TMEM190: variants seen among roughly 807,000 people sequenced by gnomAD.
TMEM190 encodes transmembrane protein 190.
A neutral mutation model predicts 17.1 loss-of-function variants in TMEM190; 17 were observed. The observed-to-expected ratio is 0.99, with a 90% CI of 0.68 to 1.49. The LOEUF (loss-of-function observed/expected upper bound fraction) is 1.49. TMEM190 is among the 40% of genes most tolerant of loss of function. The pLI, the probability that TMEM190 is intolerant of heterozygous loss-of-function variation, is 0.00. For synonymous variants in TMEM190, 101 were observed against 103.8 expected, an observed-to-expected ratio of 0.97 and a Z score of 0.16; for missense variants, 246 against 245.0, an observed-to-expected ratio of 1.00 and a Z score of -0.03.
Position 55,378,177 on chromosome 19 carries a change from A to T in TMEM190, c.508A>T (p.Thr170Ser). The change falls in exon 5 of 5, where the codon ACA becomes TCA. Residue 170 changes from threonine (T) to serine (S), a missense_variant. Thr to Ser is a moderately conservative substitution (Grantham distance 58). Coordinates refer to ENST00000291934, the MANE Select transcript of TMEM190 (RefSeq NM_139172.3). Reference protein sequence around the residue: ...EGEGTEEGEETEGEEEED With the variant: ...EGEGTEEGEESEGEEEED ...GGAAGGGACGGAGGAGGGTGAGGAGACAGAGGGCGAGGAAGAGGAGGATTA... is the reference window on the plus strand; with the variant it reads ...GGAAGGGACGGAGGAGGGTGAGGAGTCAGAGGGCGAGGAAGAGGAGGATTA... 1.3e-6 allele frequency: 2 copies of T among 1,557,300 alleles called. No homozygotes were observed. Among genetic ancestry groups the T allele is most frequent in the Non-Finnish European group, 1.7e-6 (2 of 1,148,784 alleles).
chr19:55,377,750 G>A (rs1220747432), intron 3 of TMEM190, 32 bp downstream of exon 3: 24 of 1,611,996 alleles, frequency 1.5e-5, no homozygotes, highest in South Asian at 3.3e-5. Flanking sequence ...TCCCTGGGGC[G>A]TGGGTCTGGC....
intron 2 of TMEM190, 95 bp downstream of exon 2, chr19:55,377,121 G>C (rs1374356760): frequency 7.1e-7 from 1 of 1,404,646 alleles, no homozygotes; most frequent in Non-Finnish European, 9.8e-7. Flanking sequence ...TGGACTCCTG[G>C]ATCTGAGGGA....
chr19:55,377,269 A>T (rs1569035576), intron 2 of TMEM190, among the ~76,000 whole-genome samples: 2 of 135,606 alleles, frequency 1.5e-5, no homozygotes, highest in Non-Finnish European at 3.1e-5. Context: ...CCTGGGTGTG[A>T]GGGAGGAGGG....
Position 55,377,815 on chromosome 19 carries a change from G to T in TMEM190, c.234G>T (p.Arg78Ser), listed in dbSNP as rs755334562. The T allele has an allele frequency of 1.2e-6, 2 of 1,612,004 alleles. No individual in the cohort carries two copies. The highest frequency in any genetic ancestry group is 4.5e-5 in the East Asian group (2 of 44,814). The change falls in exon 4 of 5, where the codon AGG (arginine) becomes AGT (serine). Residue 78 changes from arginine (R) to serine (S), a missense_variant. Transcript: ENST00000291934. ...TCCCTTGTCCAGAAAACGTGCGGAG[G>T]AAGCACATGTGGGCGCTGGTCTGGA... Reference protein sequence around the residue: ...YHQRPDENVRRKHMWALVWTC... With the variant: ...YHQRPDENVRSKHMWALVWTC...
chr19:55,377,174 TG>T (rs757958621), intron 2 of TMEM190, 148 bp downstream of exon 2: 15 of 409,958 alleles, frequency 3.7e-5, no homozygotes, highest in South Asian at 1.1e-4. Context: ...GAGGAGGGGC[TG>T]GGGGCCTGGA....
chr19:55,377,746 G>A (rs200766312), intron 3 of TMEM190, 28 bp downstream of exon 3: 71 of 1,611,952 alleles, frequency 4.4e-5, no homozygotes, highest in Non-Finnish European at 5.6e-5. Flanking sequence ...CAGGTCCCTG[G>A]GGCGTGGGTC....
chr19:55,377,100 G>T, intron 2 of TMEM190, 74 bp downstream of exon 2: 3 of 1,494,894 alleles, frequency 2.0e-6, no homozygotes, highest in Non-Finnish European at 1.8e-6. Flanking sequence ...GAGGGAGGAG[G>T]AGCTGGGGCC....
At position 55,376,900 on chromosome 19, in the gene TMEM190, A is replaced by T; in HGVS notation, c.47A>T (p.Gln16Leu). ...GCGCTGGGCCTGCTCCTGCTGCTGC[A>T]GGGCTCGGCAGGTGAGGGGCTGGTG... is the stretch of plus-strand genomic sequence containing the variant. Reference protein sequence around the residue: ...IPALGLLLLLQGSADGNGIQG... With the variant: ...IPALGLLLLLLGSADGNGIQG... Residue 16 changes from glutamine to leucine, a missense_variant, in exon 1 of 5, where the codon CAG becomes CTG. Gln to Leu is a moderately radical substitution (Grantham distance 113). Coordinates refer to ENST00000291934, the MANE Select transcript of TMEM190 (RefSeq NM_139172.3). 1 of 1,579,040 alleles carries T rather than the reference A, an allele frequency of 6.3e-7. No homozygotes were observed. The highest frequency in any genetic ancestry group is 8.6e-7 in the Non-Finnish European group (1 of 1,162,558).
Position 55,378,208 on chromosome 19 carries a change from G to T in TMEM190, c.*5G>T. 1.3e-6 allele frequency: 2 copies of T among 1,531,750 alleles called. No individual in the cohort carries two copies. Among genetic ancestry groups the T allele is most frequent in the South Asian group, 2.5e-5 (2 of 78,558 alleles). 94.9% of individuals were successfully genotyped at this position (1,531,750 alleles called of 1,614,324 possible). On this transcript the variant is annotated 3_prime_UTR_variant, in exon 5 of 5. Transcript: ENST00000291934. ...GGCGAGGAAGAGGAGGATTAGGGGA[G>T]TCCCCGGGGGACTGCTCAATACAGA...
rs759462173 is a variant in TMEM190, at chr19:55,377,726, C to T, written c.220+8C>T. ...ACCACCAGCGTCCAGACGGTGAGGG[C>T]TCCTGGCCCCAGGTCCCTGGGGCGT... is the stretch of plus-strand genomic sequence containing the variant. On this transcript the variant is annotated splice_region_variant and intron_variant, in intron 3 of 4. Transcript: ENST00000291934. 36 of 1,610,870 alleles carry T rather than the reference C, an allele frequency of 2.2e-5. No homozygotes were observed. Among genetic ancestry groups the T allele is most frequent in the Non-Finnish European group, 2.8e-5 (33 of 1,178,216 alleles).
At position 55,377,601 on chromosome 19, in the gene TMEM190, G is replaced by A. The variant is rs2089862044; in HGVS notation, c.103G>A (p.Gly35Ser). The A allele has an allele frequency of 6.2e-7, 1 of 1,610,394 alleles. No individual in the cohort carries two copies. Among genetic ancestry groups the A allele is most frequent in the Non-Finnish European group, 8.5e-7 (1 of 1,178,056 alleles). Residue 35 changes from glycine to serine, a missense_variant, in exon 3 of 5, where the codon GGT becomes AGT. Physicochemically the swap from Gly to Ser is moderately conservative, Grantham distance 56. Coordinates refer to ENST00000291934, the MANE Select transcript of TMEM190 (RefSeq NM_139172.3). ...TGGTGGTTGGTCCCCAGGCTGTGAG[G>A]GTGACATATGGGACCGGGAGAGCTG... ...QGFFYPWSCE[G>S]DIWDRESCGG...
At position 55,376,931 on chromosome 19, in the gene TMEM190, G is replaced by C. The variant is rs1016058051; in HGVS notation, c.58+20G>C. On this transcript the variant is annotated intron_variant, in intron 1 of 4. Coordinates refer to ENST00000291934, the MANE Select transcript of TMEM190 (RefSeq NM_139172.3). ...CGGCAGGTGAGGGGCTGGTGAGGCG[G>C]GGGAGCTGAGGAGGGACGCCCGGCT... 5.1e-6 allele frequency: 8 copies of C among 1,561,214 alleles called. No homozygotes were observed. Among genetic ancestry groups the C allele is most frequent in the Non-Finnish European group, 6.1e-6 (7 of 1,152,260 alleles).
At position 55,377,587 on chromosome 19, in the gene TMEM190, C is replaced by T; in HGVS notation, c.95-6C>T. On this transcript the variant is annotated splice_polypyrimidine_tract_variant and splice_region_variant and intron_variant, in intron 2 of 4. Coordinates refer to ENST00000291934, the MANE Select transcript of TMEM190 (RefSeq NM_139172.3). ...ATGAAGCAAGCCACTGGTGGTTGGTCCCCAGGCTGTGAGGGTGACATATGG... is the reference window on the plus strand; with the variant it reads ...ATGAAGCAAGCCACTGGTGGTTGGTTCCCAGGCTGTGAGGGTGACATATGG... The T allele has an allele frequency of 6.2e-7, 1 of 1,604,026 alleles. No homozygotes were observed. Among genetic ancestry groups the T allele is most frequent in the Non-Finnish European group, 8.5e-7 (1 of 1,174,896 alleles).
Position 55,377,982 on chromosome 19 carries a change from A to G in TMEM190, c.313A>G (p.Lys105Glu), listed in dbSNP as rs2089865849. 1 of 1,611,524 alleles carries G rather than the reference A, an allele frequency of 6.2e-7. No individual in the cohort carries two copies. Among genetic ancestry groups the G allele is most frequent in the Non-Finnish European group, 8.5e-7 (1 of 1,179,828 alleles). ...GCCGTCCGCTCCCTGCAGGTGGGCC[A>G]AGCGCCGGGACGTGCTGCATATGCC... ...SCSICLFWWA[K>E]RRDVLHMPGF... is the part of the protein sequence containing the mutation. Residue 105 changes from lysine (K) to glutamate (E), a missense_variant, in exon 5 of 5, where the codon AAG (lysine) becomes GAG (glutamate). By Grantham distance (56) the Lys-to-Glu change is moderately conservative. Coordinates refer to ENST00000291934, the MANE Select transcript of TMEM190 (RefSeq NM_139172.3).
Position 55,377,793 on chromosome 19 carries a change from C to G in TMEM190, c.221-9C>G, listed in dbSNP as rs559487204. Reference sequence around the variant, plus strand: ...AGCCCCGGGTCTTAACCCTGCCTCCCTTGTCCAGAAAACGTGCGGAGGAAG... The same window carrying G: ...AGCCCCGGGTCTTAACCCTGCCTCCGTTGTCCAGAAAACGTGCGGAGGAAG... On this transcript the variant is annotated splice_polypyrimidine_tract_variant and intron_variant, in intron 3 of 4. Coordinates refer to ENST00000291934, the MANE Select transcript of TMEM190 (RefSeq NM_139172.3). The G allele has an allele frequency of 1.5e-5, 25 of 1,612,920 alleles. No individual in the cohort carries two copies. In the South Asian group the frequency reaches 2.5e-4, roughly 16 times the overall value.
Position 55,377,981 on chromosome 19 carries a change from C to T in TMEM190, c.312C>T (p.Ala104=), listed in dbSNP as rs2089865834. 1 of 1,611,410 alleles carries T rather than the reference C, an allele frequency of 6.2e-7. No individual in the cohort carries two copies. ...AGCCGTCCGCTCCCTGCAGGTGGGC[C>T]AAGCGCCGGGACGTGCTGCATATGC... ...LSCSICLFWW[A]KRRDVLHMPG... is the part of the protein sequence containing the mutation. The change falls in exon 5 of 5, where the codon GCC becomes GCT. Residue 104 remains alanine, a synonymous_variant. Coordinates refer to ENST00000291934, the MANE Select transcript of TMEM190 (RefSeq NM_139172.3).
intron 4 of TMEM190, 21 bp downstream of exon 4, chr19:55,377,907 G>A (rs375344925): frequency 1.9e-6 from 3 of 1,606,932 alleles, no homozygotes; most frequent in Non-Finnish European, 2.5e-6. Flanking sequence ...CTGGGATAGG[G>A]CGGGCGCCTG....
rs1481886887 is a variant in TMEM190, at chr19:55,377,889, G to T, written c.305+3G>T. On this transcript the variant is annotated splice_donor_region_variant and intron_variant, in intron 4 of 4. Transcript: ENST00000291934. ...AGCTGCAGCATCTGCTTGTTCTGGC[G>T]AGTGGGCCTGGGATAGGGCGGGCGC... 2 of 1,608,486 alleles carry T rather than the reference G, an allele frequency of 1.2e-6. No homozygotes were observed. The highest frequency in any genetic ancestry group is 1.7e-6 in the Non-Finnish European group (2 of 1,179,780).
At position 55,378,229 on chromosome 19, in the gene TMEM190, A is replaced by G. The variant is rs909388012; in HGVS notation, c.*26A>G. 1 of 1,508,332 alleles carries G rather than the reference A, an allele frequency of 6.6e-7. No individual in the cohort carries two copies. The highest frequency in any genetic ancestry group is 1.4e-5 in the African/African-American group (1 of 70,742). The allele number at this position is 1,508,332 out of a possible 1,614,324, so 93.4% of individuals were successfully genotyped here. On this transcript the variant is annotated 3_prime_UTR_variant, in exon 5 of 5. Transcript: ENST00000291934. ...GGGAGTCCCCGGGGGACTGCTCAAT[A>G]CAGATACGGTGGACGGACGTGTGTT... is the stretch of plus-strand genomic sequence containing the variant.
Sources: allele counts gnomAD v4.1 joint callset (sites outside exome capture counted in the v4.1 genomes callset), GRCh38; gene constraint gnomAD v4.1.1; transcripts MANE v1.5; gene names NCBI Gene and HGNC (gene_info 2026-07-23, HGNC 2026-07-21).